Variants in SCN2A observed in about 807,000 individuals in gnomAD.
The protein encoded by SCN2A is sodium channel protein type 2 subunit alpha.
In SCN2A, 20 loss-of-function variants were observed where a neutral mutation model predicts 188.7. That is an observed-to-expected ratio of 0.11 (90% CI 0.07 to 0.15). The LOEUF (loss-of-function observed/expected upper bound fraction) is 0.15. Among genes scored for constraint, SCN2A ranks in the 10% least tolerant of loss-of-function variants. The probability of loss-of-function intolerance (pLI) is 1.00; values close to 1 mark genes in which losing one functional copy is unlikely to be tolerated. For synonymous variants in SCN2A, 804 were observed against 833.1 expected, an observed-to-expected ratio of 0.97 and a Z score of 0.60; for missense variants, 1,278 against 2,445.0, an observed-to-expected ratio of 0.52 and a Z score of 10.07.
intron 17 of SCN2A, among the ~76,000 whole-genome samples, chr2:165,356,366 C>T (rs1700181606): frequency 6.6e-6 from 1 of 152,032 alleles, no homozygotes; most frequent in Admixed American, 6.6e-5. Context: ...AAATTTTGAA[C>T]AAGTGTTGTT....
chr2:165,240,475 G>A (rs750432871), intron 1 of SCN2A, among the ~76,000 whole-genome samples: 12 of 152,184 alleles, frequency 7.9e-5, no homozygotes, highest in South Asian at 2.1e-4. Context: ...GCTGCTTCTC[G>A]TGATTTCCCT....
intron 25 of SCN2A, among the ~76,000 whole-genome samples, chr2:165,385,149 G>A (rs1701802684): frequency 6.6e-6 from 1 of 152,132 alleles, no homozygotes; most frequent in African/African-American, 2.4e-5. Context: ...ACCATTGGAA[G>A]TAATAGAAGC....
At chr2:165,262,590 A>G (rs1222125834) in intron 1 of SCN2A, among the ~76,000 whole-genome samples, 3 of 152,012 alleles carry the variant, frequency 2.0e-5, no homozygotes, top group Non-Finnish European at 4.4e-5. Flanking sequence ...ATATATTTGT[A>G]TATGTATAAT....
intron 14 of SCN2A, among the ~76,000 whole-genome samples, chr2:165,340,693 G>T (rs1350950688): frequency 2.0e-5 from 3 of 152,164 alleles, no homozygotes; most frequent in Admixed American, 6.5e-5. Flanking sequence ...GACAGAGAGA[G>T]TTCTGAATAA....
intron 7 of SCN2A, 147 bp from the exon 8 acceptor site, chr2:165,311,878 G>T: frequency 1.6e-6 from 1 of 644,690 alleles, no homozygotes; most frequent in Non-Finnish European, 2.8e-6. Flanking sequence ...GTTCAATATT[G>T]TGAAAAATCT....
intron 17 of SCN2A, among the ~76,000 whole-genome samples, chr2:165,358,114 A>G (rs1700272823): frequency 6.6e-6 from 1 of 152,214 alleles, no homozygotes; most frequent in Admixed American, 6.5e-5. Flanking sequence ...GTAAAAGTGC[A>G]TGCCTTTATG....
intron 14 of SCN2A, among the ~76,000 whole-genome samples, chr2:165,335,237 GC>G (rs1193306419): frequency 2.0e-5 from 3 of 151,604 alleles, no homozygotes; most frequent in African/African-American, 7.2e-5. Context: ...TACCTATTTT[GC>G]AGAAAGTGAT....
chr2:165,351,147 C>A (rs1407055644), intron 16 of SCN2A, among the ~76,000 whole-genome samples: 1 of 152,100 alleles, frequency 6.6e-6, no homozygotes, highest in Non-Finnish European at 1.5e-5. Context: ...TCGATTCTTA[C>A]CTAGCACTCG....
At chr2:165,329,142 T>C (rs529650444) in intron 13 of SCN2A, among the ~76,000 whole-genome samples, 2 of 152,242 alleles carry the variant, frequency 1.3e-5, no homozygotes, top group South Asian at 2.1e-4. Flanking sequence ...CGGTTGGCAA[T>C]TTTTGTTCTC....
At chr2:165,264,644 G>T (rs1369384228) in intron 1 of SCN2A, among the ~76,000 whole-genome samples, 1 of 151,998 alleles carries the variant, frequency 6.6e-6, no homozygotes. Flanking sequence ...ATAGGCCCCA[G>T]TGTGTGTTGG....
At position 165,344,896 on chromosome 2, in the gene SCN2A, G is replaced by A; in HGVS notation, c.2904G>A (p.Val968=). The A allele has an allele frequency of 1.2e-6, 2 of 1,614,142 alleles. No individual in the cohort carries two copies. Among genetic ancestry groups the A allele is most frequent in the African/African-American group, 1.3e-5 (1 of 75,046 alleles). The change falls in exon 16 of 27, where the codon GTG becomes GTA. Residue 968 remains valine (V), a synonymous_variant. Coordinates refer to ENST00000375437, the MANE Select transcript of SCN2A (RefSeq NM_001040142.2). ...MCLTVFMMVM[V]IGNLVVLNLF... is the part of the protein sequence containing the mutation. ...TTACTGTCTTCATGATGGTCATGGT[G>A]ATTGGAAATCTAGTGGTATGTAGCA...
chr2:165,372,901 C>G (rs963038928), intron 20 of SCN2A: 3 of 263,380 alleles, frequency 1.1e-5, no homozygotes, highest in Non-Finnish European at 2.2e-5. Flanking sequence ...ATTTCTCTCT[C>G]TTTTTTTTCT....
intron 12 of SCN2A, 100 bp from the exon 13 acceptor site, chr2:165,326,752 G>A: frequency 2.4e-6 from 3 of 1,257,580 alleles, no homozygotes; most frequent in African/African-American, 1.5e-5. Context: ...ATCTGAGAAA[G>A]CATGGTGTAT....
chr2:165,354,480 G>A lies in SCN2A; in HGVS notation c.3208G>A (p.Asp1070Asn), dbSNP rs1293846353. ...EIGKDLNYLK[D>N]GNGTTSGIGS... ...AGGCAAAGACCTCAATTATCTCAAAGACGGAAATGGAACTACTAGTGGCAT... is the reference window on the plus strand; with the variant it reads ...AGGCAAAGACCTCAATTATCTCAAAAACGGAAATGGAACTACTAGTGGCAT... Residue 1070 changes from aspartate to asparagine, a missense_variant, in exon 17 of 27, where the codon GAC becomes AAC. Physicochemically the swap from Asp to Asn is conservative, Grantham distance 23. Around this residue, in one of 17 missense-constraint regions of SCN2A, gnomAD observed 228 missense variants for 297.3 expected, o/e 0.77. Transcript: ENST00000375437. 6.2e-7 allele frequency: 1 copy of A among 1,614,058 alleles called. No homozygotes were observed. The highest frequency in any genetic ancestry group is 8.5e-7 in the Non-Finnish European group (1 of 1,179,982).
chr2:165,291,063 A>T (rs1335751277), intron 1 of SCN2A, among the ~76,000 whole-genome samples: 3 of 53,218 alleles, frequency 5.6e-5, no homozygotes, highest in South Asian at 6.5e-4. Flanking sequence ...TTTTTTTGAG[A>T]CTGAGTTTCA....
chr2:165,324,628 A>G (rs959629468), intron 12 of SCN2A, among the ~76,000 whole-genome samples: 1 of 152,102 alleles, frequency 6.6e-6, no homozygotes, highest in African/African-American at 2.4e-5. Context: ...ATAGATAACC[A>G]TGTACCAGAC....
chr2:165,291,487 TTTC>T (rs1236768967), intron 1 of SCN2A, among the ~76,000 whole-genome samples: 1 of 61,508 alleles, frequency 1.6e-5, no homozygotes, highest in African/African-American at 6.8e-5. Context: ...TCTTTCTTTC[TTTC>T]TTTTCTTTCT....
chr2:165,259,671 T>C (rs1434518851), intron 1 of SCN2A, among the ~76,000 whole-genome samples: 1 of 152,166 alleles, frequency 6.6e-6, no homozygotes, highest in African/African-American at 2.4e-5. Flanking sequence ...TTCACTTCTA[T>C]TCTAGTTCTC....
chr2:165,323,545 T>C, intron 12 of SCN2A, 45 bp downstream of exon 12: 3 of 1,522,868 alleles, frequency 2.0e-6, no homozygotes, highest in Non-Finnish European at 2.7e-6. Context: ...GAGTTGTGAC[T>C]GGTGCAGGCA....
Sources: gnomAD v4.1 joint callset for allele counts (sites outside exome capture counted in the v4.1 genomes callset) on GRCh38, gnomAD v4.1.1 for gene constraint, gnomAD v4.1.1 regional missense constraint, MANE v1.5 for transcripts, NCBI Gene and HGNC (gene_info 2026-07-23, HGNC 2026-07-21) for gene names.